The following ERC2 variants were observed in gnomAD, a reference collection of about 807,000 sequenced individuals.
The protein encoded by ERC2 is ELKS/RAB6-interacting/CAST family member 2.
A neutral mutation model predicts 114.8 loss-of-function variants in ERC2; 42 were observed. The observed-to-expected ratio is 0.37, with a 90% CI of 0.29 to 0.47. The LOEUF is 0.47. Ranked by LOEUF, ERC2 falls within the 20% of genes least tolerant of loss-of-function variation. ERC2 has a pLI of 0.99. For synonymous variants in ERC2, 454 were observed against 425.5 expected, an observed-to-expected ratio of 1.07 and a Z score of -0.82; for missense variants, 939 against 1,150.7, an observed-to-expected ratio of 0.82 and a Z score of 2.66.
At chr3:56,414,251 G>C (rs986932194) in intron 2 of ERC2, among the ~76,000 whole-genome samples, 2 of 152,120 alleles carry the variant, frequency 1.3e-5, no homozygotes, top group African/African-American at 4.8e-5. Flanking sequence ...TCGAGGCCAG[G>C]CACCAGACTT....
intron 14 of ERC2, among the ~76,000 whole-genome samples, chr3:55,754,239 T>C (rs2066908075): frequency 6.6e-6 from 1 of 152,158 alleles, no homozygotes; most frequent in East Asian, 1.9e-4. Flanking sequence ...TTTTCTGTTT[T>C]CTGTACTTTT....
At chr3:56,082,003 CCAAG>C (rs1380555592) in intron 6 of ERC2, among the ~76,000 whole-genome samples, 1 of 152,112 alleles carries the variant, frequency 6.6e-6, no homozygotes, top group African/African-American at 2.4e-5. Context: ...TATGAGATTT[CCAAG>C]AGTCTTGTTC....
chr3:56,248,240 G>A (rs2051857341), intron 3 of ERC2, among the ~76,000 whole-genome samples: 1 of 152,000 alleles, frequency 6.6e-6, no homozygotes, highest in East Asian at 1.9e-4. Context: ...CTAAAAGCAT[G>A]CACCACCATG....
At chr3:56,187,374 T>A (rs1028423891) in intron 3 of ERC2, among the ~76,000 whole-genome samples, 1 of 152,186 alleles carries the variant, frequency 6.6e-6, no homozygotes, top group African/African-American at 2.4e-5. Flanking sequence ...TGTTACAATC[T>A]ACGATTCAGA....
intron 17 of ERC2, among the ~76,000 whole-genome samples, chr3:55,651,250 G>A (rs752617213): frequency 2.6e-5 from 4 of 152,124 alleles, no homozygotes; most frequent in Admixed American, 6.5e-5. Flanking sequence ...CACAGCCTCC[G>A]CCAGAGGCTA....
intron 14 of ERC2, among the ~76,000 whole-genome samples, chr3:55,804,752 C>T (rs1317366481): frequency 6.6e-6 from 1 of 152,060 alleles, no homozygotes; most frequent in East Asian, 1.9e-4. Context: ...AAACCAACAG[C>T]CATACCCCAA....
intron 13 of ERC2, among the ~76,000 whole-genome samples, chr3:55,941,508 G>T (rs973800293): frequency 2.0e-5 from 3 of 152,126 alleles, no homozygotes; most frequent in African/African-American, 7.2e-5. Flanking sequence ...ATTACAGTTT[G>T]ACTTTTCCCT....
At chr3:56,423,537 G>C (rs555044072) in intron 2 of ERC2, among the ~76,000 whole-genome samples, 1 of 152,218 alleles carries the variant, frequency 6.6e-6, no homozygotes, top group African/African-American at 2.4e-5. Context: ...CTTTATCAAC[G>C]TATGGAGACA....
intron 3 of ERC2, among the ~76,000 whole-genome samples, chr3:56,212,650 C>T (rs904156608): frequency 6.6e-6 from 1 of 152,146 alleles, no homozygotes; most frequent in Non-Finnish European, 1.5e-5. Flanking sequence ...AAGATACTTG[C>T]CACACGTTTA....
At chr3:55,651,303 T>G (rs2060612189) in intron 17 of ERC2, among the ~76,000 whole-genome samples, 1 of 152,248 alleles carries the variant, frequency 6.6e-6, no homozygotes, top group South Asian at 2.1e-4. Flanking sequence ...ATTAAGGAAT[T>G]GCTCGTCTAG....
At chr3:55,956,209 C>T (rs1157679953) in intron 12 of ERC2, among the ~76,000 whole-genome samples, 1 of 152,192 alleles carries the variant, frequency 6.6e-6, no homozygotes, top group African/African-American at 2.4e-5. Context: ...CTTTATGTCA[C>T]ACATTTAGCT....
At chr3:55,645,577 G>C (rs2060359345) in intron 17 of ERC2, among the ~76,000 whole-genome samples, 1 of 152,146 alleles carries the variant, frequency 6.6e-6, no homozygotes, top group Admixed American at 6.5e-5. Flanking sequence ...AAAATGTGCT[G>C]CTTCAATTGG....
rs2051931315 is a variant in ERC2, at chr3:55,509,148, A to G, written c.*2168T>C. Reference sequence around the variant, plus strand: ...AAGATCAGTAATATTTTAACCAATGAAAGTTGGGCAGAAAATGATCCCTCC... The same window carrying G: ...AAGATCAGTAATATTTTAACCAATGGAAGTTGGGCAGAAAATGATCCCTCC... On this transcript the variant is annotated 3_prime_UTR_variant, in exon 18 of 18. Transcript: ENST00000288221. The G allele has an allele frequency of 6.6e-6, 1 of 152,638 alleles. No homozygotes were observed. The highest frequency in any genetic ancestry group is 6.5e-5 in the Admixed American group (1 of 15,286). 9.5% of individuals were successfully genotyped at this position (152,638 alleles called of 1,614,324 possible).
chr3:56,431,809 G>A (rs560375939), intron 2 of ERC2, among the ~76,000 whole-genome samples: 116 of 152,214 alleles, frequency 7.6e-4, no homozygotes, highest in African/African-American at 2.6e-3. Flanking sequence ...AGAGAAAATT[G>A]CATTTTACTT....
chr3:56,227,994 C>T (rs557250016), intron 3 of ERC2, among the ~76,000 whole-genome samples: 3 of 152,170 alleles, frequency 2.0e-5, no homozygotes, highest in East Asian at 1.9e-4. Context: ...ATAGACATGA[C>T]CATGAGAGAA....
At chr3:55,668,017 C>T (rs1440508455) in intron 17 of ERC2, among the ~76,000 whole-genome samples, 1 of 152,156 alleles carries the variant, frequency 6.6e-6, no homozygotes, top group Admixed American at 6.5e-5. Flanking sequence ...CCACCCCCAG[C>T]CCCTAGTTGT....
At chr3:55,752,809 T>A (rs1025588443) in intron 14 of ERC2, among the ~76,000 whole-genome samples, 1 of 152,162 alleles carries the variant, frequency 6.6e-6, no homozygotes, top group Non-Finnish European at 1.5e-5. Flanking sequence ...ATAGATTATG[T>A]CTAGCATTGT....
chr3:56,362,878 T>C (rs546884736), intron 2 of ERC2, among the ~76,000 whole-genome samples: 33 of 152,348 alleles, frequency 2.2e-4, no homozygotes, highest in African/African-American at 5.8e-4. Context: ...TTTCTGAGCC[T>C]GAGCTTTCTA....
intron 3 of ERC2, among the ~76,000 whole-genome samples, chr3:56,214,146 T>C (rs1045713464): frequency 6.6e-6 from 1 of 152,196 alleles, no homozygotes; most frequent in Non-Finnish European, 1.5e-5. Flanking sequence ...GGACAGAGAA[T>C]GACTTTGACG....
Sources: gnomAD v4.1 joint callset for allele counts (sites outside exome capture counted in the v4.1 genomes callset) on GRCh38, gnomAD v4.1.1 for gene constraint, MANE v1.5 for transcripts, NCBI Gene and HGNC (gene_info 2026-07-23, HGNC 2026-07-21) for gene names.